Variants in MGST1 observed in about 807,000 individuals in gnomAD.
The protein encoded by MGST1 is glutathione S-transferase 12.
MGST1 carries 5 observed loss-of-function variants against 8.9 expected under a neutral mutation model. The observed-to-expected ratio is 0.56, with a 90% confidence interval of 0.29 to 1.19. The LOEUF is 1.19. Among genes scored for constraint, MGST1 ranks in the 50% most tolerant of loss-of-function variants. MGST1 has a pLI of 0.08. For missense variants in MGST1, 182 were observed against 187.4 expected (o/e 0.97, Z 0.17); for synonymous variants, 54 against 67.8 (o/e 0.80, Z 1.00).
chr12:16,567,740 C>G (rs1942666829), intron 4 of MGST1, among the ~76,000 whole-genome samples: 1 of 151,990 alleles, frequency 6.6e-6, no homozygotes, highest in South Asian at 2.1e-4. Flanking sequence ...ATGATAGAAG[C>G]TTCATGTTTG....
chr12:16,499,974 G>GA (rs950565177), intron 4 of MGST1, among the ~76,000 whole-genome samples: 3 of 151,960 alleles, frequency 2.0e-5, no homozygotes, highest in African/African-American at 7.2e-5. Flanking sequence ...ACAATGAGAT[G>GA]AAAAAAAGTG....
intron 4 of MGST1, among the ~76,000 whole-genome samples, chr12:16,530,314 T>G (rs1236329956): frequency 6.6e-6 from 1 of 152,096 alleles, no homozygotes; most frequent in East Asian, 1.9e-4. Flanking sequence ...GGGTCTTTGT[T>G]TTTTTAAAAT....
rs1160829579 is a variant in MGST1 at position 16,547,206 on chromosome 12, G to A, written n.483-42322G>A. On this transcript the variant is annotated intron_variant and non_coding_transcript_variant, in intron 4 of 4. Transcript: ENST00000538857. The surrounding 1 kb of genome is among the most constrained non-coding windows in gnomAD (Gnocchi z 4.6). ...TAATCACACAATTACCTACAGGCAT[G>A]TGTTAAACTTGACACTGGTTTCAGC... 9.2e-5 allele frequency among the ~76,000 whole-genome samples: 14 copies of A among 152,076 alleles called. No individual in the cohort carries two copies. Among genetic ancestry groups the A allele is most frequent in the Admixed American group, 9.2e-4 (14 of 15,250 alleles).
In MGST1 at chr12:16,513,567, G is replaced by C; in HGVS notation, n.483-75961G>C. On this transcript the variant is annotated intron_variant and non_coding_transcript_variant, in intron 4 of 4. Coordinates refer to the MGST1 transcript ENST00000538857. The surrounding 1 kb of genome is among the most constrained non-coding windows in gnomAD (Gnocchi z 4.2). ...TTAAGAGGGACACCAATAGCAAAAA[G>C]ATGAATCTGGGAGTTAGTGCCTACA... 2.0e-6 allele frequency: 1 copy of C among 491,374 alleles called. No homozygotes were observed. Among genetic ancestry groups the C allele is most frequent in the Non-Finnish European group, 4.2e-6 (1 of 240,264 alleles). The allele number at this position is 491,374 out of a possible 1,614,324, so 30.4% of individuals were successfully genotyped here.
chr12:16,432,731 C>CACACACACACACACAGAGAGAG (rs775306657), intron 1 of MGST1, among the ~76,000 whole-genome samples: 1 of 132,670 alleles, frequency 7.5e-6, no homozygotes, highest in Non-Finnish European at 1.6e-5. Flanking sequence ...CACACACACA[C>CACACACACACACACAGAGAGAG]AGAGAGAGAG....
intron 1 of MGST1, among the ~76,000 whole-genome samples, chr12:16,434,358 T>A (rs1484036086): frequency 6.6e-6 from 1 of 152,048 alleles, no homozygotes. Flanking sequence ...AAACACAAGA[T>A]TAAACAACGG....
rs1385604726 is a variant in MGST1 at position 16,513,833 on chromosome 12, T to TCAGCCAAGATGTCTTTCTGCC, written n.483-75692_483-75672dup. On this transcript the variant is annotated intron_variant and non_coding_transcript_variant, in intron 4 of 4. Transcript: ENST00000538857. This position sits in a 1 kb window ranked among gnomAD's most constrained non-coding sequence, Gnocchi z 4.2. The stretch of plus-strand genomic sequence containing the variant: ...AGTTTTCTGCAAAGATTTCTTAAGT[T>TCAGCCAAGATGTCTTTCTGCC]CAGCCAAGATGTCTTTCTGCCCAAA... The TCAGCCAAGATGTCTTTCTGCC allele has an allele frequency of 1.6e-5, 10 of 610,226 alleles. No homozygotes were observed. Among genetic ancestry groups the TCAGCCAAGATGTCTTTCTGCC allele is most frequent in the African/African-American group, 1.3e-4 (7 of 54,208 alleles). 37.8% of individuals were successfully genotyped at this position (610,226 alleles called of 1,614,324 possible).
chr12:16,573,760 C>A (rs1158043592), intron 4 of MGST1: 1 of 152,182 alleles, frequency 6.6e-6, no homozygotes, highest in Non-Finnish European at 1.5e-5. Flanking sequence ...AAGGCCGTTA[C>A]ACAAGGCAGC....
chr12:16,474,780 G>A (rs1292057253), intron 4 of MGST1, among the ~76,000 whole-genome samples: 1 of 152,178 alleles, frequency 6.6e-6, no homozygotes, highest in Admixed American at 6.5e-5. Flanking sequence ...GAGAAGACCT[G>A]CGTTTGATTC....
chr12:16,516,023 C>A (rs560350010), intron 4 of MGST1, among the ~76,000 whole-genome samples: 13 of 152,292 alleles, frequency 8.5e-5, no homozygotes, highest in Non-Finnish European at 1.3e-4. Flanking sequence ...AACCGCCCCC[C>A]ACCCTGCCAC....
chr12:16,520,337 G>A (rs1395802145), intron 4 of MGST1, among the ~76,000 whole-genome samples: 2 of 152,152 alleles, frequency 1.3e-5, no homozygotes, highest in Non-Finnish European at 2.9e-5. Context: ...CTAAGAGACA[G>A]ACTATTCTAT....
At position 16,400,904 on chromosome 12, in the gene MGST1, T is replaced by A. The variant is rs190450928; in HGVS notation, n.778+17300T>A. On this transcript the variant is annotated intron_variant and non_coding_transcript_variant, in intron 1 of 1. Transcript: ENST00000359720. ...TGGGTGTTTATAGGACACATTAGAT[T>A]TGTGAGCTTTCTGAATCTCCTGTTC... 3.2e-4 allele frequency: 394 copies of A among 1,235,936 alleles called. 1 individual carries two copies. The African/African-American group carries it at 5.3e-3, about 17-fold the overall frequency. 76.6% of individuals were successfully genotyped at this position (1,235,936 alleles called of 1,614,324 possible).
downstream of MGST1, among the ~76,000 whole-genome samples, chr12:16,381,838 T>C (rs2137040934): frequency 6.6e-6 from 1 of 152,272 alleles, no homozygotes; most frequent in African/African-American, 2.4e-5. Flanking sequence ...GTTCATTTCT[T>C]TTTATTCTTT....
intron 4 of MGST1, among the ~76,000 whole-genome samples, chr12:16,483,235 G>A (rs1193149908): frequency 6.6e-6 from 1 of 151,958 alleles, no homozygotes; most frequent in Non-Finnish European, 1.5e-5. Context: ...TTGCCTTATT[G>A]TTTCTTGGGG....
At chr12:16,525,272 T>G (rs1243016269) in intron 4 of MGST1, among the ~76,000 whole-genome samples, 1 of 147,468 alleles carries the variant, frequency 6.8e-6, no homozygotes, top group Non-Finnish European at 1.5e-5. Flanking sequence ...ATTAGGTATA[T>G]CTCCCAATGC....
intron 4 of MGST1, chr12:16,550,243 A>C (rs980647727): frequency 1.2e-4 from 19 of 152,542 alleles, no homozygotes; most frequent in African/African-American, 4.6e-4. Context: ...AAAGTTATGA[A>C]ACCCTCAGCT....
At chr12:16,462,252 T>C (rs1941226331) in intron 4 of MGST1, among the ~76,000 whole-genome samples, 1 of 152,296 alleles carries the variant, frequency 6.6e-6, no homozygotes, top group South Asian at 2.1e-4. Context: ...CAGTTAAATT[T>C]TTAAACTTCC....
chr12:16,416,201 T>G (rs2137079304), intron 1 of MGST1, among the ~76,000 whole-genome samples: 1 of 152,334 alleles, frequency 6.6e-6, no homozygotes, highest in Non-Finnish European at 1.5e-5. Context: ...AAAGTCAATT[T>G]ATACCTCTAC....
At chr12:16,550,558 T>C (rs959558371) in intron 4 of MGST1, 6 of 152,384 alleles carry the variant, frequency 3.9e-5, no homozygotes, top group Non-Finnish European at 8.8e-5. Context: ...TTTTTATGTA[T>C]TTTTTTAAAG....
Sources: allele counts gnomAD v4.1 joint callset (sites outside exome capture counted in the v4.1 genomes callset), GRCh38; gene constraint gnomAD v4.1.1; non-coding constraint Gnocchi (gnomAD v3.1); transcripts MANE v1.5; gene names NCBI Gene and HGNC (gene_info 2026-07-23, HGNC 2026-07-21).